FAM162A: variants seen among roughly 807,000 people sequenced by gnomAD.
The protein encoded by FAM162A is protein FAM162A.
In FAM162A, 23 loss-of-function variants were observed where a neutral mutation model predicts 21.8. The observed-to-expected ratio is 1.05, with a 90% CI of 0.76 to 1.49. FAM162A has a LOEUF of 1.49. Ranked by LOEUF, FAM162A falls within the 40% of genes most tolerant of loss-of-function variation. The probability of loss-of-function intolerance (pLI) is 0.00; values close to 1 mark genes in which losing one functional copy is unlikely to be tolerated. For missense variants in FAM162A, 165 were observed against 186.4 expected (o/e 0.89, Z 0.67); for synonymous variants, 53 against 61.3 (o/e 0.86, Z 0.64).
intron 1 of FAM162A, among the ~76,000 whole-genome samples, chr3:122,387,431 A>G (rs2075579952): frequency 6.6e-6 from 1 of 152,176 alleles, no homozygotes; most frequent in Non-Finnish European, 1.5e-5. Context: ...GGTATCTTAG[A>G]AGTCAGGTAA....
chr3:122,406,015 G>C (rs547441946), intron 3 of FAM162A, among the ~76,000 whole-genome samples: 4 of 152,068 alleles, frequency 2.6e-5, no homozygotes, highest in Non-Finnish European at 5.9e-5. Context: ...ATTGTACATG[G>C]CTTCATCATC....
intron 1 of FAM162A, among the ~76,000 whole-genome samples, chr3:122,399,899 T>C (rs1163262486): frequency 6.6e-6 from 1 of 151,164 alleles, no homozygotes; most frequent in Non-Finnish European, 1.5e-5. Context: ...AGGTCAGGAG[T>C]TCAAGACCAG....
In FAM162A at chr3:122,412,041, T is replaced by C. The variant is rs959172615; in HGVS notation, c.*2210T>C. The C allele has an allele frequency of 2.0e-5, 3 of 152,156 alleles. No individual in the cohort carries two copies. The highest frequency in any genetic ancestry group is 7.2e-5 in the African/African-American group (3 of 41,432). 9.4% of individuals were successfully genotyped at this position (152,156 alleles called of 1,614,324 possible). A position where few individuals can be genotyped will look rare whatever the true frequency, so the allele number is the denominator to read the frequency against. On this transcript the variant is annotated 3_prime_UTR_variant, in exon 5 of 5. Transcript: ENST00000477892. ...ATCTGCCCCTAACTAATCCTACTTC[T>C]CCCAGTACCCTTACAGCACTCCTAC...
chr3:122,388,904 C>G (rs933940609), intron 1 of FAM162A, among the ~76,000 whole-genome samples: 1 of 152,086 alleles, frequency 6.6e-6, no homozygotes, highest in African/African-American at 2.4e-5. Flanking sequence ...AAAAAATTAG[C>G]CGGGCGTGGT....
chr3:122,402,116 A>G (rs1366978189), intron 1 of FAM162A, among the ~76,000 whole-genome samples: 2 of 151,986 alleles, frequency 1.3e-5, no homozygotes, highest in African/African-American at 4.8e-5. Flanking sequence ...TAGAGGTTAA[A>G]TGGTATTTAT....
chr3:122,403,173 A>G (rs2075660736), intron 2 of FAM162A, among the ~76,000 whole-genome samples: 1 of 152,200 alleles, frequency 6.6e-6, no homozygotes. Context: ...ATGTTCCTAC[A>G]TCATACCTCC....
intron 1 of FAM162A, among the ~76,000 whole-genome samples, chr3:122,388,324 C>T (rs1169960381): frequency 4.6e-5 from 7 of 152,084 alleles, no homozygotes; most frequent in African/African-American, 7.2e-5. Context: ...TAATCAGAAA[C>T]GCCATCAAAG....
chr3:122,410,241 G>C lies in FAM162A; in HGVS notation c.*410G>C, dbSNP rs1429042381. 5 of 303,270 alleles carry C rather than the reference G, an allele frequency of 1.6e-5. No homozygotes were observed. The highest frequency in any genetic ancestry group is 3.2e-5 in the Non-Finnish European group (5 of 155,944). The allele number at this position is 303,270 out of a possible 1,614,324, so 18.8% of individuals were successfully genotyped here. A position where few individuals can be genotyped will look rare whatever the true frequency, so the allele number is the denominator to read the frequency against. Reference sequence around the variant, plus strand: ...AGGGCCAGCCTTCTCAAATGTCCTGGTGTACTGGTGGGGAGGCTGCCCCCT... The same window carrying C: ...AGGGCCAGCCTTCTCAAATGTCCTGCTGTACTGGTGGGGAGGCTGCCCCCT... On this transcript the variant is annotated 3_prime_UTR_variant, in exon 5 of 5. Transcript: ENST00000477892.
chr3:122,405,677 C>G (rs906359395), intron 3 of FAM162A, among the ~76,000 whole-genome samples: 1 of 152,196 alleles, frequency 6.6e-6, no homozygotes, highest in Non-Finnish European at 1.5e-5. Flanking sequence ...TACTACCTCA[C>G]GAATCACTCT....
At chr3:122,398,115 C>G (rs970502113) in intron 1 of FAM162A, among the ~76,000 whole-genome samples, 2 of 152,114 alleles carry the variant, frequency 1.3e-5, no homozygotes, top group African/African-American at 4.8e-5. Context: ...TAAGGAAGTG[C>G]AAGAAAACCA....
chr3:122,398,328 T>C (rs552883620), intron 1 of FAM162A, among the ~76,000 whole-genome samples: 8 of 151,720 alleles, frequency 5.3e-5, no homozygotes, highest in Admixed American at 5.3e-4. Flanking sequence ...GAAAGGTTGA[T>C]GGGGAACTTT....
chr3:122,408,367 T>C (rs2075686231), intron 4 of FAM162A, among the ~76,000 whole-genome samples: 2 of 152,376 alleles, frequency 1.3e-5, no homozygotes, highest in Middle Eastern at 3.4e-3. Flanking sequence ...TGTATAATTC[T>C]ATATATCACA....
Position 122,395,916 on chromosome 3 carries a change from A to G in FAM162A, c.35-6844A>G, listed in dbSNP as rs568024156. On this transcript the variant is annotated intron_variant, in intron 1 of 4. Coordinates refer to ENST00000477892, the MANE Select transcript of FAM162A (RefSeq NM_014367.4). ...CATATTTACAGTCAATTGATTTTCT[A>G]TATGGCGCTAAAACAACTCAGTGCG... 3.3e-5 allele frequency among the ~76,000 whole-genome samples: 5 copies of G among 152,186 alleles called. No homozygotes were observed. In the South Asian group the frequency reaches 6.2e-4, roughly 19 times the overall value.
At chr3:122,390,844 C>T (rs2075601242) in intron 1 of FAM162A, among the ~76,000 whole-genome samples, 1 of 152,188 alleles carries the variant, frequency 6.6e-6, no homozygotes, top group Non-Finnish European at 1.5e-5. Context: ...TAGCCGTTTG[C>T]CACCCAGAGC....
chr3:122,384,330 G>A (rs1270056716), intron 1 of FAM162A, 31 bp downstream of exon 1: 1 of 1,565,854 alleles, frequency 6.4e-7, no homozygotes, highest in Non-Finnish European at 8.7e-7. Context: ...TGGGAGGTAG[G>A]GGAGCTGGCC....
Position 122,404,254 on chromosome 3 carries a change from A to G in FAM162A, c.158-4A>G, listed in dbSNP as rs181358776. On this transcript the variant is annotated splice_region_variant and splice_polypyrimidine_tract_variant and intron_variant, in intron 2 of 4. Coordinates refer to ENST00000477892, the MANE Select transcript of FAM162A (RefSeq NM_014367.4). ...TAAAATTTCTTGTCTGGTTTTTCTCATAGGCACTTACAACAGAGTGCCTTT... is the reference window on the plus strand; with the variant it reads ...TAAAATTTCTTGTCTGGTTTTTCTCGTAGGCACTTACAACAGAGTGCCTTT... The G allele has an allele frequency of 1.6e-3, 2,429 of 1,496,010 alleles. 36 individuals carry two copies. Among genetic ancestry groups the G allele is most frequent in the Non-Finnish European group, 2.7e-4 (298 of 1,100,742 alleles). The allele number at this position is 1,496,010 out of a possible 1,614,324, so 92.7% of individuals were successfully genotyped here. A position where few individuals can be genotyped will look rare whatever the true frequency, so the allele number is the denominator to read the frequency against.
Position 122,384,307 on chromosome 3 carries a change from G to A in FAM162A, c.34+8G>A. The A allele has an allele frequency of 6.4e-7, 1 of 1,574,412 alleles. No individual in the cohort carries two copies. Among genetic ancestry groups the A allele is most frequent in the Non-Finnish European group, 8.6e-7 (1 of 1,160,162 alleles). ...GTCTGCGCCTGGCAGCAGGTGAGAC[G>A]CCGGTCGGGATATGGGAGGTAGGGG... On this transcript the variant is annotated splice_region_variant and intron_variant, in intron 1 of 4. Coordinates refer to ENST00000477892, the MANE Select transcript of FAM162A (RefSeq NM_014367.4).
At chr3:122,403,211 T>G (rs1284012886) in intron 2 of FAM162A, among the ~76,000 whole-genome samples, 1 of 152,128 alleles carries the variant, frequency 6.6e-6, no homozygotes, top group Non-Finnish European at 1.5e-5. Flanking sequence ...CAGGCCCATC[T>G]TCCTACGTCA....
At chr3:122,394,827 A>G (rs1478953549) in intron 1 of FAM162A, among the ~76,000 whole-genome samples, 1 of 151,874 alleles carries the variant, frequency 6.6e-6, no homozygotes, top group South Asian at 2.1e-4. Flanking sequence ...TCCCAAAAAA[A>G]TCTCAAGAAA....
Sources: allele counts gnomAD v4.1 joint callset (sites outside exome capture counted in the v4.1 genomes callset), GRCh38; gene constraint gnomAD v4.1.1; transcripts MANE v1.5; gene names NCBI Gene and HGNC (gene_info 2026-07-23, HGNC 2026-07-21).